The following LOXHD1 variants were observed in gnomAD, a reference collection of about 807,000 sequenced individuals.
LOXHD1 encodes lipoxygenase homology PLAT domains 1.
A neutral mutation model predicts 248.2 loss-of-function variants in LOXHD1; 205 were observed. The ratio of observed to expected loss-of-function variants is 0.83; its 90% confidence interval spans 0.74 to 0.93. LOXHD1 has a LOEUF of 0.93. LOXHD1 is among the 40% of genes least tolerant of loss of function. The pLI, the probability that LOXHD1 is intolerant of heterozygous loss-of-function variation, is 0.00. For synonymous variants in LOXHD1, 1,113 were observed against 1,162.8 expected (o/e 0.96, Z 0.87); for missense variants, 2,930 against 2,971.6 (o/e 0.99, Z 0.33).
At chr18:46,500,335 C>A (rs1170404628) in intron 37 of LOXHD1, among the ~76,000 whole-genome samples, 2 of 152,194 alleles carry the variant, frequency 1.3e-5, no homozygotes, top group Non-Finnish European at 2.9e-5. Context: ...CTGGACATCA[C>A]AGATGTCACT....
chr18:46,582,694 C>A (rs2037986230), intron 12 of LOXHD1, among the ~76,000 whole-genome samples: 1 of 152,094 alleles, frequency 6.6e-6, no homozygotes, highest in Non-Finnish European at 1.5e-5. Context: ...GTGAATCCAC[C>A]CACCCCAAAT....
rs753708345 is a variant in LOXHD1 at position 46,518,249 on chromosome 18, T to G, written c.5279A>C (p.Tyr1760Ser). ...ATCCCCTGTCCACACCGTCATTTCATAGAGAACCTGCCATGAGAGGAATGC... is the reference window on the plus strand; with the variant it reads ...ATCCCCTGTCCACACCGTCATTTCAGAGAGAACCTGCCATGAGAGGAATGC... ...MVVNIGVKVL[Y>S]EMTVWTGDVV... The change falls in exon 34 of 41, where the codon TAT becomes TCT. Residue 1760 changes from tyrosine to serine, a missense_variant. Physicochemically the swap from Tyr to Ser is moderately radical, Grantham distance 144. Coordinates refer to ENST00000642948, the MANE Select transcript of LOXHD1 (RefSeq NM_001384474.1). The G allele has an allele frequency of 9.9e-5, 154 of 1,551,452 alleles. No individual in the cohort carries two copies. Among genetic ancestry groups the G allele is most frequent in the Non-Finnish European group, 1.3e-4 (150 of 1,146,870 alleles).
At position 46,559,522 on chromosome 18, in the gene LOXHD1, C is replaced by T. The variant is rs376021007; in HGVS notation, c.3142G>A (p.Gly1048Ser). The T allele has an allele frequency of 2.0e-5, 31 of 1,551,914 alleles. No individual in the cohort carries two copies. Among genetic ancestry groups the T allele is most frequent in the African/African-American group, 1.9e-4 (14 of 73,026 alleles). The change falls in exon 20 of 41, where the codon GGC (glycine) becomes AGC (serine). Residue 1048 changes from glycine (G) to serine (S), a missense_variant. Gly to Ser is a moderately conservative substitution (Grantham distance 56, BLOSUM62 0). Transcript: ENST00000642948. ...TCGCCCGTGTCTCCATACTCCTCGC[C>T]GTAGATGGTTAGGTAGACGTTAGCA... is the stretch of plus-strand genomic sequence containing the variant. Reference protein sequence around the residue: ...TDANVYLTIYGEEYGDTGERP... With the variant: ...TDANVYLTIYSEEYGDTGERP...
chr18:46,592,805 C>T (rs1406520688), intron 10 of LOXHD1, among the ~76,000 whole-genome samples: 1 of 152,156 alleles, frequency 6.6e-6, no homozygotes, highest in Non-Finnish European at 1.5e-5. Flanking sequence ...AGGGTTCAGT[C>T]TGGGCCGGTG....
intron 29 of LOXHD1, among the ~76,000 whole-genome samples, chr18:46,528,957 G>A (rs540911271): frequency 2.0e-4 from 30 of 152,164 alleles, no homozygotes; most frequent in Non-Finnish European, 1.5e-5. Context: ...CCGGCCTTCT[G>A]CTCCACCTCA....
intron 20 of LOXHD1, among the ~76,000 whole-genome samples, chr18:46,557,736 G>A (rs1258809560): frequency 6.6e-6 from 1 of 152,236 alleles, no homozygotes; most frequent in Non-Finnish European, 1.5e-5. Flanking sequence ...AAGGAGGAGA[G>A]GAAGAGTGAA....
chr18:46,534,278 G>T, intron 27 of LOXHD1, 57 bp downstream of exon 27: 1 of 1,323,098 alleles, frequency 7.6e-7, no homozygotes, highest in South Asian at 1.3e-5. Flanking sequence ...AATTTGCCTT[G>T]AACCTGCTCT....
At chr18:46,628,511 C>T (rs1248777946) in intron 4 of LOXHD1, among the ~76,000 whole-genome samples, 7 of 152,316 alleles carry the variant, frequency 4.6e-5, no homozygotes, top group South Asian at 2.1e-4. Context: ...GACAAAGCGT[C>T]GGGAAAAGAG....
intron 37 of LOXHD1, among the ~76,000 whole-genome samples, chr18:46,490,701 C>T (rs192076677): frequency 3.0e-4 from 46 of 152,328 alleles, no homozygotes; most frequent in African/African-American, 1.0e-3. Context: ...TCTCGAACTC[C>T]CGAACTCAGG....
At position 46,642,001 on chromosome 18, in the gene LOXHD1, A is replaced by C; in HGVS notation, c.281T>G (p.Val94Gly). The change falls in exon 3 of 41, where the codon GTG (valine) becomes GGG (glycine). Residue 94 changes from valine (V) to glycine (G), a missense_variant. By Grantham distance (109) the Val-to-Gly change is moderately radical. Transcript: ENST00000642948. ...CACATTGTTGGTTCTCACCCGGAAC[A>C]CATCGACGTTGCCCTTCTCAAAGGC... ...KSAFEKGNVD[V>G]FRVRTNNVGL... 6.4e-7 allele frequency: 1 copy of C among 1,552,376 alleles called. No homozygotes were observed. The highest frequency in any genetic ancestry group is 8.7e-7 in the Non-Finnish European group (1 of 1,147,116).
chr18:46,583,580 G>C (rs2038002164), intron 12 of LOXHD1, among the ~76,000 whole-genome samples: 1 of 150,608 alleles, frequency 6.6e-6, no homozygotes, highest in Non-Finnish European at 1.5e-5. Flanking sequence ...ACAGACAGAT[G>C]AAAAAAAAAG....
intron 34 of LOXHD1, among the ~76,000 whole-genome samples, chr18:46,510,789 T>C (rs2034914290): frequency 6.6e-6 from 1 of 152,252 alleles, no homozygotes; most frequent in South Asian, 2.1e-4. Flanking sequence ...CAACTTGCTC[T>C]GTGTGCATTT....
chr18:46,619,220 CT>C (rs1288361293), intron 4 of LOXHD1, among the ~76,000 whole-genome samples: 1 of 152,096 alleles, frequency 6.6e-6, no homozygotes, highest in Non-Finnish European at 1.5e-5. Context: ...TAGCAGAATC[CT>C]TTTTTATAGG....
chr18:46,577,450 C>T (rs1284852689), intron 14 of LOXHD1, among the ~76,000 whole-genome samples: 2 of 152,172 alleles, frequency 1.3e-5, no homozygotes, highest in African/African-American at 4.8e-5. Flanking sequence ...CAAGCACCCA[C>T]ATTTTGTTGC....
intron 22 of LOXHD1, 32 bp downstream of exon 22, chr18:46,546,863 T>C (rs1238070581): frequency 9.8e-6 from 15 of 1,538,148 alleles, no homozygotes; most frequent in Non-Finnish European, 1.3e-5. Flanking sequence ...GGAGGGGTGC[T>C]GGAGAAAGAA....
intron 4 of LOXHD1, among the ~76,000 whole-genome samples, chr18:46,631,692 C>T (rs2038825490): frequency 6.6e-6 from 1 of 152,192 alleles, no homozygotes; most frequent in African/African-American, 2.4e-5. Flanking sequence ...CAACTTGAGA[C>T]AGAACTCTGG....
At chr18:46,544,563 T>C (rs2036713365) in intron 23 of LOXHD1, among the ~76,000 whole-genome samples, 1 of 152,250 alleles carries the variant, frequency 6.6e-6, no homozygotes, top group Non-Finnish European at 1.5e-5. Flanking sequence ...TTGTCCCAAA[T>C]GTTGTACATG....
At chr18:46,616,813 A>T (rs1240822466) in intron 5 of LOXHD1, among the ~76,000 whole-genome samples, 1 of 152,184 alleles carries the variant, frequency 6.6e-6, no homozygotes, top group South Asian at 2.1e-4. Flanking sequence ...TAGGTTGCTG[A>T]TAGGAATTTG....
rs147255214 is a variant in LOXHD1, at chr18:46,591,881, ACCAAGCAGGAGTT to A, written c.1654+39_1654+51del. 2,053 of 1,548,698 alleles carry A rather than the reference ACCAAGCAGGAGTT, an allele frequency of 1.3e-3. 28 individuals carry two copies. In the African/African-American group the frequency reaches 0.025, roughly 19 times the overall value. On this transcript the variant is annotated intron_variant, in intron 12 of 40. Coordinates refer to ENST00000642948, the MANE Select transcript of LOXHD1 (RefSeq NM_001384474.1). ...GCTCATAGGTCAGGCCCATCGGGAC[ACCAAGCAGGAGTT>A]CCACTGCCTCCCAGGATGGAGAGCC...
Sources: allele counts gnomAD v4.1 joint callset (sites outside exome capture counted in the v4.1 genomes callset), GRCh38; gene constraint gnomAD v4.1.1; transcripts MANE v1.5; gene names NCBI Gene and HGNC (gene_info 2026-07-23, HGNC 2026-07-21).